Variants in STXBP5 observed in about 807,000 individuals in gnomAD.
The protein encoded by STXBP5 is syntaxin-binding protein 5.
A neutral mutation model predicts 152.4 loss-of-function variants in STXBP5; 50 were observed. The ratio of observed to expected loss-of-function variants is 0.33; its 90% CI spans 0.26 to 0.42. The LOEUF (loss-of-function observed/expected upper bound fraction) is 0.42, where lower values mean the gene tolerates loss of function less well. STXBP5 is among the 10% of genes least tolerant of loss of function. STXBP5 has a pLI of 1.00. For missense variants in STXBP5, 1,167 were observed against 1,388.6 expected (o/e 0.84, Z 2.54); for synonymous variants, 492 against 494.7 (o/e 0.99, Z 0.07).
chr6:147,251,181 A>G (rs1426981735), intron 4 of STXBP5, among the ~76,000 whole-genome samples: 7 of 152,194 alleles, frequency 4.6e-5, no homozygotes, highest in African/African-American at 1.2e-4. Flanking sequence ...GGAAGCGGAA[A>G]GGGTCGGGAA....
intron 25 of STXBP5, among the ~76,000 whole-genome samples, chr6:147,366,832 C>CAAG (rs772174472): frequency 3.4e-4 from 51 of 152,026 alleles, no homozygotes; most frequent in Non-Finnish European, 4.9e-4. Flanking sequence ...ATCGCAAAAG[C>CAAG]AAGAATCAAA....
chr6:147,215,161 T>C (rs933015911), intron 2 of STXBP5, among the ~76,000 whole-genome samples: 12 of 152,256 alleles, frequency 7.9e-5, no homozygotes, highest in African/African-American at 2.9e-4. Context: ...AAAACTTTAT[T>C]TATAAAATCA....
intron 4 of STXBP5, among the ~76,000 whole-genome samples, chr6:147,246,189 C>G (rs185485524): frequency 6.6e-6 from 1 of 152,140 alleles, no homozygotes; most frequent in Non-Finnish European, 1.5e-5. Context: ...TAGCTTAATA[C>G]CTTGTTTTTT....
intron 19 of STXBP5, among the ~76,000 whole-genome samples, chr6:147,334,730 A>T (rs1164330888): frequency 6.6e-6 from 1 of 152,098 alleles, no homozygotes; most frequent in African/African-American, 2.4e-5. Context: ...CTGTGTGTAT[A>T]TTAACATTTC....
chr6:147,291,015 T>C lies in STXBP5; in HGVS notation c.839-79T>C. On this transcript the variant is annotated intron_variant, in intron 8 of 27. Coordinates refer to ENST00000321680, the MANE Select transcript of STXBP5 (RefSeq NM_001127715.4). ...CATGGTGGATTTCATTATATTTCAC[T>C]TTCATTTTATAAACTATCAATGTAA... The C allele has an allele frequency of 5.5e-6, 6 of 1,091,668 alleles. No homozygotes were observed. The South Asian group carries it at 1.1e-4, about 19-fold the overall frequency. The allele number at this position is 1,091,668 out of a possible 1,614,324, so 67.6% of individuals were successfully genotyped here.
intron 25 of STXBP5, among the ~76,000 whole-genome samples, chr6:147,366,156 A>G (rs976416519): frequency 6.6e-6 from 1 of 152,226 alleles, no homozygotes; most frequent in Non-Finnish European, 1.5e-5. Flanking sequence ...TTCGAGAGAA[A>G]AGAGCTACAA....
chr6:147,376,217 T>C (rs1785803089), intron 26 of STXBP5, among the ~76,000 whole-genome samples: 1 of 152,168 alleles, frequency 6.6e-6, no homozygotes, highest in Non-Finnish European at 1.5e-5. Context: ...GTAAGTGGAT[T>C]TAAGGTGATC....
In STXBP5 at chr6:147,385,847, C is replaced by G. The variant is rs1398618086; in HGVS notation, c.*1092C>G. On this transcript the variant is annotated 3_prime_UTR_variant, in exon 28 of 28. Coordinates refer to ENST00000321680, the MANE Select transcript of STXBP5 (RefSeq NM_001127715.4). ...AGCCAATTAAATGTTAGTGCACATG[C>G]TATCGCATGGAAAATTACAAGCATC... 2.5e-4 allele frequency: 38 copies of G among 152,064 alleles called. No homozygotes were observed. 9.4% of individuals were successfully genotyped at this position (152,064 alleles called of 1,614,324 possible). A position where few individuals can be genotyped will look rare whatever the true frequency, so the allele number is the denominator to read the frequency against.
chr6:147,273,877 G>A (rs139598661), intron 7 of STXBP5, among the ~76,000 whole-genome samples: 1,958 of 151,972 alleles, frequency 0.013, 43 homozygotes, highest in African/African-American at 0.043. Context: ...GCATGAACCC[G>A]GGAGGCAGAG....
At chr6:147,313,183 C>T (rs1421676564) in intron 11 of STXBP5, among the ~76,000 whole-genome samples, 2 of 152,124 alleles carry the variant, frequency 1.3e-5, no homozygotes, top group African/African-American at 4.8e-5. Context: ...CAGTAGTAGA[C>T]TGATCTAATT....
intron 4 of STXBP5, among the ~76,000 whole-genome samples, chr6:147,251,187 G>A (rs908936989): frequency 5.3e-5 from 8 of 152,152 alleles, no homozygotes; most frequent in East Asian, 1.9e-4. Flanking sequence ...GGAAAGGGTC[G>A]GGAAACTCCC....
At chr6:147,211,726 A>G (rs1229440946) in intron 2 of STXBP5, among the ~76,000 whole-genome samples, 2 of 152,116 alleles carry the variant, frequency 1.3e-5, no homozygotes, top group Non-Finnish European at 2.9e-5. Context: ...ATTTGCGACC[A>G]CAAGTGTGTG....
intron 6 of STXBP5, among the ~76,000 whole-genome samples, chr6:147,266,869 A>G (rs1403585033): frequency 6.6e-6 from 1 of 152,176 alleles, no homozygotes; most frequent in Admixed American, 6.6e-5. Context: ...AGTCAGTTGT[A>G]TGTTGAGTCC....
chr6:147,290,445 A>T (rs1781223254), intron 8 of STXBP5, among the ~76,000 whole-genome samples: 1 of 152,184 alleles, frequency 6.6e-6, no homozygotes, highest in South Asian at 2.1e-4. Context: ...ACAGTGGTTA[A>T]TCTCTGAAAT....
chr6:147,211,636 G>A (rs1474411400), intron 2 of STXBP5, among the ~76,000 whole-genome samples: 1 of 152,138 alleles, frequency 6.6e-6, no homozygotes, highest in Non-Finnish European at 1.5e-5. Context: ...TGTTACCCTG[G>A]CATGCAGTGG....
intron 7 of STXBP5, 21 bp from the exon 8 acceptor site, chr6:147,278,060 G>T: frequency 6.3e-7 from 1 of 1,585,622 alleles, no homozygotes; most frequent in Admixed American, 1.8e-5. Context: ...TTTTTAAATG[G>T]TATTTTTCAT....
intron 15 of STXBP5, 98 bp from the exon 16 acceptor site, chr6:147,316,131 C>G: frequency 2.5e-6 from 3 of 1,183,232 alleles, no homozygotes; most frequent in Non-Finnish European, 3.5e-6. Flanking sequence ...CTTCTTGCCA[C>G]TGAAGTTTAT....
In STXBP5 at chr6:147,344,198, G is replaced by A. The variant is rs566073264; in HGVS notation, c.2254+4814G>A. ...TCAAATTTCTTAATAAAATGTGCTG[G>A]AAAGTCTGTGTTTCATATTCCTGTA... On this transcript the variant is annotated intron_variant, in intron 21 of 27. Coordinates refer to ENST00000321680, the MANE Select transcript of STXBP5 (RefSeq NM_001127715.4). Among the ~76,000 whole-genome samples, 7 of 151,998 alleles carry A rather than the reference G, an allele frequency of 4.6e-5. No individual in the cohort carries two copies. The South Asian group carries it at 1.5e-3, about 32-fold the overall frequency.
chr6:147,213,432 ATATGTGTGTGTGTGTGTGTG>A (rs1357016017), intron 2 of STXBP5, among the ~76,000 whole-genome samples: 3 of 121,088 alleles, frequency 2.5e-5, no homozygotes, highest in African/African-American at 7.1e-5. Context: ...ATAATTTTAT[ATATGTGTGTGTGTGTGTGTG>A]TGTGTGTGTG....
Sources: gnomAD v4.1 joint callset for allele counts (sites outside exome capture counted in the v4.1 genomes callset) on GRCh38, gnomAD v4.1.1 for gene constraint, MANE v1.5 for transcripts, NCBI Gene and HGNC (gene_info 2026-07-23, HGNC 2026-07-21) for gene names.